Variants in VCL observed in about 807,000 individuals in gnomAD.
The protein encoded by VCL is vinculin.
Under a neutral mutation model 125.7 loss-of-function variants are expected in VCL, and 47 were observed. The ratio of observed to expected loss-of-function variants is 0.37; its 90% CI spans 0.30 to 0.48. The LOEUF (loss-of-function observed/expected upper bound fraction) is 0.48. VCL is among the 20% of genes least tolerant of loss of function. VCL has a pLI of 0.99. For synonymous variants in VCL, 458 were observed against 514.6 expected (o/e 0.89, Z 1.49); for missense variants, 1,069 against 1,455.5 (o/e 0.73, Z 4.32).
intron 1 of VCL, among the ~76,000 whole-genome samples, chr10:74,017,065 T>TTTTTTTTTTA (rs1840557355): frequency 8.5e-6 from 1 of 117,744 alleles, no homozygotes; most frequent in African/African-American, 3.0e-5. Context: ...TTTTTTTTTT[T>TTTTTTTTTTA]GAGACGGAGT....
In VCL at chr10:74,061,533, T is replaced by C. The variant is rs117190219; in HGVS notation, c.240-9137T>C. Among the ~76,000 whole-genome samples the C allele has an allele frequency of 3.9e-3, 591 of 152,326 alleles. 7 individuals carry two copies. Among genetic ancestry groups the C allele is most frequent in the Non-Finnish European group, 6.2e-3 (424 of 68,030 alleles). ...TCATAAATAGATATATCACAAGACT[T>C]GTAGTTGGTGATGCTTTTGTTTGTT... is the stretch of plus-strand genomic sequence containing the variant. On this transcript the variant is annotated intron_variant, in intron 2 of 21. Transcript: ENST00000211998.
intron 19 of VCL, among the ~76,000 whole-genome samples, chr10:74,112,757 A>T (rs1026044471): frequency 5.9e-5 from 9 of 152,148 alleles, no homozygotes; most frequent in African/African-American, 1.9e-4. Context: ...TTGGGGAATG[A>T]ACCAAAGCTA....
chr10:74,115,033 C>A, intron 21 of VCL, 134 bp downstream of exon 21: 2 of 905,504 alleles, frequency 2.2e-6, no homozygotes, highest in Non-Finnish European at 3.5e-6. Context: ...CTCAGACTGT[C>A]TCAGGAGGGG....
chr10:74,094,394 C>G lies in VCL; in HGVS notation c.1476C>G (p.His492Gln), dbSNP rs753220379. ...GCAGACCGGCCAAAGCAGCTGTACA[C>G]CTTGAGGGCAAGATTGAGCAAGCAC... is the stretch of plus-strand genomic sequence containing the variant. The part of the protein sequence containing the change: ...ANSRPAKAAV[H>Q]LEGKIEQAQR... The change falls in exon 11 of 22, where the codon CAC becomes CAG. Residue 492 changes from histidine (H) to glutamine (Q), a missense_variant. This residue lies in a region of VCL where 760 missense variants were observed against 928.9 expected (regional missense o/e 0.82). Transcript: ENST00000211998. The G allele has an allele frequency of 9.3e-6, 15 of 1,614,174 alleles. No homozygotes were observed. The highest frequency in any genetic ancestry group is 1.3e-5 in the Non-Finnish European group (15 of 1,180,038).
chr10:74,100,930 ATC>A lies in VCL; in HGVS notation c.1873-16_1873-15del. 2 of 1,613,718 alleles carry A rather than the reference ATC, an allele frequency of 1.2e-6. No individual in the cohort carries two copies. Among genetic ancestry groups the A allele is most frequent in the Non-Finnish European group, 1.7e-6 (2 of 1,179,920 alleles). On this transcript the variant is annotated splice_polypyrimidine_tract_variant and intron_variant, in intron 13 of 21. Coordinates refer to ENST00000211998, the MANE Select transcript of VCL (RefSeq NM_014000.3). ...TTTTATTGAAATAAATGTTCTTAAT[ATC>A]TGTTTTTTCCTCAAGGTATTTGATG...
chr10:74,074,265 G>T (rs1839541073), intron 5 of VCL, among the ~76,000 whole-genome samples: 2 of 152,190 alleles, frequency 1.3e-5, no homozygotes, highest in African/African-American at 4.8e-5. Context: ...ATGTTTGGGG[G>T]TTGGCAAATC....
chr10:74,082,379 T>G, intron 6 of VCL, 75 bp from the exon 7 acceptor site: 1 of 1,537,580 alleles, frequency 6.5e-7, no homozygotes, highest in Non-Finnish European at 9.0e-7. Flanking sequence ...TGCTGTAACT[T>G]CTTCTCTGTC....
At chr10:74,113,805 G>T (rs1412629518) in intron 19 of VCL, among the ~76,000 whole-genome samples, 1 of 152,144 alleles carries the variant, frequency 6.6e-6, no homozygotes, top group East Asian at 1.9e-4. Flanking sequence ...CCTGTCCCCA[G>T]TTTATTGATA....
At chr10:74,091,329 A>G (rs1180108688) in intron 10 of VCL, among the ~76,000 whole-genome samples, 1 of 152,210 alleles carries the variant, frequency 6.6e-6, no homozygotes, top group Non-Finnish European at 1.5e-5. Context: ...GTGGTCATTC[A>G]TGCCATCATT....
chr10:74,102,894 T>C (rs1235411347), intron 14 of VCL, among the ~76,000 whole-genome samples: 2 of 149,304 alleles, frequency 1.3e-5, no homozygotes, highest in African/African-American at 5.0e-5. Flanking sequence ...CGAGACGGAG[T>C]CTTGCTCTGT....
chr10:74,089,899 T>C (rs1839849908), intron 9 of VCL, 124 bp from the exon 10 acceptor site: 1 of 1,099,724 alleles, frequency 9.1e-7, no homozygotes. Context: ...ATAATAAAGA[T>C]CAGAATTATA....
rs1840150981 is a variant in VCL, at chr10:74,107,306, T to C, written c.2511T>C (p.Pro837=). The change falls in exon 17 of 22, where the codon CCT becomes CCC. Residue 837 remains proline, a synonymous_variant. Transcript: ENST00000211998. ...CCAAGGTCAGAGAAGCCTTCCAACC[T>C]CAGGAGCCTGACTTCCCGCCGCCTC... ...AVAKVREAFQ[P]QEPDFPPPPP... is the part of the protein sequence containing the mutation. 1.2e-6 allele frequency: 2 copies of C among 1,614,004 alleles called. No individual in the cohort carries two copies. Among genetic ancestry groups the C allele is most frequent in the Admixed American group, 1.7e-5 (1 of 59,994 alleles).
At chr10:74,000,293 G>A (rs971917885) in intron 1 of VCL, among the ~76,000 whole-genome samples, 1 of 133,366 alleles carries the variant, frequency 7.5e-6, no homozygotes, top group East Asian at 2.1e-4. Context: ...ACAGGGTCTC[G>A]CTCTGTCACG....
intron 1 of VCL, among the ~76,000 whole-genome samples, chr10:74,017,325 G>T (rs1840566181): frequency 1.3e-5 from 2 of 151,998 alleles, no homozygotes; most frequent in African/African-American, 4.8e-5. Flanking sequence ...GGGATTACAG[G>T]CGTGAGCCAC....
chr10:74,104,005 G>A, intron 15 of VCL, 77 bp downstream of exon 15: 2 of 1,410,186 alleles, frequency 1.4e-6, no homozygotes, highest in Non-Finnish European at 1.0e-6. Flanking sequence ...GACTGGTTCT[G>A]TTACTCAGCT....
chr10:74,048,328 C>T (rs1046871525), intron 2 of VCL, among the ~76,000 whole-genome samples: 1 of 151,892 alleles, frequency 6.6e-6, no homozygotes, highest in South Asian at 2.1e-4. Flanking sequence ...ACTAGCCGGG[C>T]GTGGTGGCAC....
chr10:74,061,239 T>G (rs1333439314), intron 2 of VCL, among the ~76,000 whole-genome samples: 2 of 152,226 alleles, frequency 1.3e-5, no homozygotes, highest in African/African-American at 4.8e-5. Flanking sequence ...TCTTCCTGTT[T>G]CTGACTGCTG....
intron 2 of VCL, among the ~76,000 whole-genome samples, chr10:74,062,097 C>T (rs903989495): frequency 6.6e-6 from 1 of 151,770 alleles, no homozygotes; most frequent in Non-Finnish European, 1.5e-5. Flanking sequence ...TGGGGTCTTA[C>T]TCTGTTGCCC....
intron 6 of VCL, among the ~76,000 whole-genome samples, chr10:74,079,705 A>G (rs1223556240): frequency 1.3e-5 from 2 of 152,216 alleles, no homozygotes; most frequent in Non-Finnish European, 2.9e-5. Flanking sequence ...AATATATATG[A>G]AAGTCTTAGG....
Sources: allele counts gnomAD v4.1 joint callset (sites outside exome capture counted in the v4.1 genomes callset), GRCh38; gene constraint gnomAD v4.1.1; regional missense constraint gnomAD v4.1.1; transcripts MANE v1.5; gene names NCBI Gene and HGNC (gene_info 2026-07-23, HGNC 2026-07-21).